CA10: variants seen among roughly 807,000 people sequenced by gnomAD.
CA10 encodes carbonic anhydrase-related protein 10.
A neutral mutation model predicts 44.2 loss-of-function variants in CA10; 14 were observed. The observed-to-expected ratio is 0.32, with a 90% CI of 0.21 to 0.50. The LOEUF is 0.50. Among genes scored for constraint, CA10 ranks in the 20% least tolerant of loss-of-function variants. The pLI, the probability that CA10 is intolerant of heterozygous loss-of-function variation, is 0.99. For synonymous variants in CA10, 159 were observed against 141.6 expected (o/e 1.12, Z -0.87); for missense variants, 350 against 409.7 (o/e 0.85, Z 1.26).
At chr17:52,080,888 C>T (rs1475546807) in intron 1 of CA10, among the ~76,000 whole-genome samples, 1 of 152,178 alleles carries the variant, frequency 6.6e-6, no homozygotes, top group Non-Finnish European at 1.5e-5. Flanking sequence ...GTCTATTCCT[C>T]ATTTGCCATT....
chr17:51,697,309 C>T (rs1001436569), intron 4 of CA10, among the ~76,000 whole-genome samples: 23 of 152,322 alleles, frequency 1.5e-4, no homozygotes, highest in Non-Finnish European at 1.8e-4. Flanking sequence ...AGATACTCCC[C>T]CTACAGCACA....
intron 6 of CA10, among the ~76,000 whole-genome samples, chr17:51,645,460 CA>C (rs1913289226): frequency 6.6e-6 from 1 of 152,122 alleles, no homozygotes. Flanking sequence ...CTGGAGGTAC[CA>C]TGTTCAGGGC....
At chr17:51,767,827 C>T (rs1020312015) in intron 3 of CA10, among the ~76,000 whole-genome samples, 2 of 151,548 alleles carry the variant, frequency 1.3e-5, no homozygotes, top group Admixed American at 6.6e-5. Flanking sequence ...ACTCAAATCT[C>T]TCACATGCTT....
chr17:51,954,852 G>A (rs902613138), intron 2 of CA10, among the ~76,000 whole-genome samples: 3 of 152,330 alleles, frequency 2.0e-5, no homozygotes, highest in South Asian at 2.1e-4. Context: ...AAGAGGTTGC[G>A]TGTCGAGGGA....
intron 3 of CA10, among the ~76,000 whole-genome samples, chr17:51,873,638 A>G (rs1427314717): frequency 6.6e-6 from 1 of 152,164 alleles, no homozygotes; most frequent in Non-Finnish European, 1.5e-5. Context: ...GTTGGGCTTC[A>G]CTGCAGCACA....
intron 1 of CA10, among the ~76,000 whole-genome samples, chr17:52,133,753 G>A (rs1989292690): frequency 6.6e-6 from 1 of 152,106 alleles, no homozygotes; most frequent in African/African-American, 2.4e-5. Flanking sequence ...AATGAATTGT[G>A]ACTCTGGATA....
At chr17:51,718,577 A>G (rs77126410) in intron 4 of CA10, among the ~76,000 whole-genome samples, 2,690 of 152,236 alleles carry the variant, frequency 0.018, 95 homozygotes, top group African/African-American at 0.062. Context: ...TTTGTAGTAA[A>G]CTGGTAAATG....
At chr17:51,837,052 T>G (rs1260969238) in intron 3 of CA10, among the ~76,000 whole-genome samples, 2 of 150,670 alleles carry the variant, frequency 1.3e-5, no homozygotes, top group African/African-American at 2.5e-5. Flanking sequence ...TAAGAAACAA[T>G]ATGTATACAT....
chr17:51,841,201 C>T (rs1316262505), intron 3 of CA10, among the ~76,000 whole-genome samples: 2 of 152,184 alleles, frequency 1.3e-5, no homozygotes, highest in Non-Finnish European at 2.9e-5. Flanking sequence ...CCCACACCAC[C>T]CTTAAGCCTT....
intron 3 of CA10, among the ~76,000 whole-genome samples, chr17:51,871,356 CGAA>C (rs1979801703): frequency 6.7e-6 from 1 of 150,246 alleles, no homozygotes; most frequent in African/African-American, 2.4e-5. Context: ...CTCAGCCTCC[CGAA>C]TAGCTGGGAT....
intron 4 of CA10, among the ~76,000 whole-genome samples, chr17:51,710,204 A>G (rs780564414): frequency 5.9e-5 from 9 of 152,184 alleles, no homozygotes; most frequent in South Asian, 2.1e-4. Flanking sequence ...AATATCCATA[A>G]TACATAATTT....
At chr17:51,863,813 C>T (rs1979423668) in intron 3 of CA10, among the ~76,000 whole-genome samples, 1 of 152,174 alleles carries the variant, frequency 6.6e-6, no homozygotes, top group African/African-American at 2.4e-5. Flanking sequence ...TCCCACCATC[C>T]TCAAGGATAT....
chr17:51,809,535 C>T (rs1907274214), intron 3 of CA10, among the ~76,000 whole-genome samples: 1 of 152,222 alleles, frequency 6.6e-6, no homozygotes, highest in African/African-American at 2.4e-5. Context: ...TTGGGCTTTA[C>T]TAACATGCTC....
chr17:51,743,804 A>T (rs1904559908), intron 4 of CA10, among the ~76,000 whole-genome samples: 1 of 152,232 alleles, frequency 6.6e-6, no homozygotes, highest in Non-Finnish European at 1.5e-5. Context: ...CTCTCAAAGG[A>T]TAGCCAAAAA....
intron 3 of CA10, among the ~76,000 whole-genome samples, chr17:51,787,648 G>A (rs1021390550): frequency 1.3e-5 from 2 of 151,944 alleles, no homozygotes; most frequent in Admixed American, 1.3e-4. Flanking sequence ...ACACCACCAT[G>A]CCTGGCTATA....
At chr17:51,967,026 A>C in intron 2 of CA10, among the ~76,000 whole-genome samples, 1 of 151,854 alleles carries the variant, frequency 6.6e-6, no homozygotes, top group Non-Finnish European at 1.5e-5. Context: ...AACCAACCCC[A>C]TTAAAAAGCA....
At chr17:52,076,714 A>G (rs1287211500) in intron 1 of CA10, among the ~76,000 whole-genome samples, 1 of 152,196 alleles carries the variant, frequency 6.6e-6, no homozygotes, top group Non-Finnish European at 1.5e-5. Context: ...CCACAGTACT[A>G]CAAGAAGTTT....
At chr17:51,855,491 C>T (rs549207303) in intron 3 of CA10, among the ~76,000 whole-genome samples, 1 of 152,186 alleles carries the variant, frequency 6.6e-6, no homozygotes, top group East Asian at 1.9e-4. Flanking sequence ...GCAAAAAACT[C>T]AAAAAGCATT....
intron 4 of CA10, among the ~76,000 whole-genome samples, chr17:51,654,363 T>C (rs1292128127): frequency 2.0e-5 from 3 of 152,234 alleles, no homozygotes; most frequent in African/African-American, 7.2e-5. Context: ...TAAATTCATT[T>C]TTAAAAATCG....
Sources: gnomAD v4.1 joint callset for allele counts (sites outside exome capture counted in the v4.1 genomes callset) on GRCh38, gnomAD v4.1.1 for gene constraint, MANE v1.5 for transcripts, NCBI Gene and HGNC (gene_info 2026-07-23, HGNC 2026-07-21) for gene names.